Variants in DACT2 observed in about 807,000 individuals in gnomAD.
DACT2 encodes the protein dishevelled binding antagonist of beta catenin 2.
DACT2 carries 20 observed loss-of-function variants against 22.2 expected under a neutral mutation model. That is an observed-to-expected ratio of 0.90 (90% confidence interval 0.63 to 1.31). The LOEUF (loss-of-function observed/expected upper bound fraction) is 1.31. Ranked by LOEUF, DACT2 falls within the 50% of genes most tolerant of loss-of-function variation. The pLI is 0.00. For missense variants in DACT2, 1,048 were observed against 1,061.4 expected (o/e 0.99, Z 0.18); for synonymous variants, 463 against 479.8 (o/e 0.96, Z 0.46).
downstream of DACT2, among the ~76,000 whole-genome samples, chr6:168,303,048 T>A (rs560869069): frequency 6.6e-5 from 10 of 152,350 alleles, no homozygotes; most frequent in African/African-American, 2.4e-4. Context: ...TAAAGCCACA[T>A]GAAATCTGTA....
At chr6:168,311,057 G>T in intron 2 of DACT2, 95 bp downstream of exon 2, 1 of 1,386,178 alleles carries the variant, frequency 7.2e-7, no homozygotes, top group African/African-American at 1.4e-5. Context: ...ACCTGGAATG[G>T]AATTTCAGCC....
downstream of DACT2, among the ~76,000 whole-genome samples, chr6:168,305,116 G>T (rs1779178004): frequency 6.6e-6 from 1 of 152,100 alleles, no homozygotes; most frequent in Non-Finnish European, 1.5e-5. Context: ...AAGAGAGAGA[G>T]GATGGAGAGA....
chr6:168,313,498 A>T (rs1263050509), intron 1 of DACT2, among the ~76,000 whole-genome samples: 2 of 152,180 alleles, frequency 1.3e-5, no homozygotes, highest in Non-Finnish European at 2.9e-5. Context: ...ATCCAAGTGA[A>T]TAGCACCACC....
chr6:168,314,571 C>A (rs1779499236), intron 1 of DACT2, among the ~76,000 whole-genome samples: 2 of 152,234 alleles, frequency 1.3e-5, no homozygotes, highest in African/African-American at 4.8e-5. Context: ...TAATCCCTTT[C>A]TTTGCAATGC....
chr6:168,307,833 G>T lies in DACT2; in HGVS notation c.1924C>A (p.Pro642Thr), dbSNP rs1779257299. Residue 642 changes from proline to threonine, a missense_variant, in exon 4 of 4, where the codon CCA becomes ACA. Coordinates refer to ENST00000366795, the MANE Select transcript of DACT2 (RefSeq NM_214462.5). The surrounding 1 kb of genome is among the most constrained non-coding windows in gnomAD (Gnocchi z 5.3). ...PRPVARRAGG[P>T]LARGRPSLVR... ...AGTGAGGGACGGCCCCGGGCCAGTG[G>T]GCCACCTGCTCTCCTGGCCACGGGC... 6.5e-7 allele frequency: 1 copy of T among 1,538,572 alleles called. No homozygotes were observed.
In DACT2 at chr6:168,307,913, A is replaced by T; in HGVS notation, c.1844T>A (p.Ile615Asn). The T allele has an allele frequency of 6.5e-7, 1 of 1,544,486 alleles. No individual in the cohort carries two copies. The change falls in exon 4 of 4, where the codon ATC becomes AAC. Residue 615 changes from isoleucine (I) to asparagine (N), a missense_variant. Transcript: ENST00000366795. The surrounding 1 kb of genome is among the most constrained non-coding windows in gnomAD (Gnocchi z 5.3). ...GCTGGCCAGGCGGGCCCGGGCCGAG[A>T]TCTCCACGGTGGACTGCCAGCGGCG... ...KHRRWQSTVE[I>N]SARARLASCP...
At chr6:168,298,477 A>G (rs933216969) in intron 3 of DACT2, 21 of 152,360 alleles carry the variant, frequency 1.4e-4, no homozygotes, top group African/African-American at 4.6e-4. Context: ...TTTGGGATCC[A>G]ACTGTATTTA....
At chr6:168,313,133 A>C (rs925754840) in intron 1 of DACT2, among the ~76,000 whole-genome samples, 2 of 151,824 alleles carry the variant, frequency 1.3e-5, no homozygotes, top group Admixed American at 1.3e-4. Flanking sequence ...TGCAAGCTCC[A>C]CCTCCCGGGT....
chr6:168,301,341 G>C (rs1779100329), intron 3 of DACT2, among the ~76,000 whole-genome samples: 1 of 152,182 alleles, frequency 6.6e-6, no homozygotes, highest in South Asian at 2.1e-4. Flanking sequence ...CTGCTTCTGA[G>C]GAACCGAACA....
rs1430021631 is a variant in DACT2 at position 168,308,681 on chromosome 6, T to C, written c.1076A>G (p.His359Arg). 2.6e-6 allele frequency: 4 copies of C among 1,546,182 alleles called. No homozygotes were observed. Among genetic ancestry groups the C allele is most frequent in the Non-Finnish European group, 2.6e-6 (3 of 1,146,882 alleles). The stretch of plus-strand genomic sequence containing the variant: ...CCTCTGTGGAGATGGGGACGCTGCA[T>C]GCCTTAGAGGTCCCTGTTCTCCCTC... ...GSEGEQGPLR[H>R]AASPSPQRQG... The change falls in exon 4 of 4, where the codon CAT (histidine) becomes CGT (arginine). Residue 359 changes from histidine to arginine, a missense_variant. Coordinates refer to ENST00000366795, the MANE Select transcript of DACT2 (RefSeq NM_214462.5).
At chr6:168,301,810 T>G (rs1779116204) in intron 3 of DACT2, among the ~76,000 whole-genome samples, 1 of 152,200 alleles carries the variant, frequency 6.6e-6, no homozygotes. Context: ...CCCGGCGGCC[T>G]TTGTTTATTC....
downstream of DACT2, chr6:168,306,877 C>T: frequency 1.0e-6 from 1 of 986,938 alleles, no homozygotes; most frequent in Non-Finnish European, 1.2e-6. Flanking sequence ...CTACCATGTG[C>T]CACACAAGGA....
At chr6:168,310,120 TC>T (rs753981449) in intron 3 of DACT2, 47 bp downstream of exon 3, 1 of 1,542,378 alleles carries the variant, frequency 6.5e-7, no homozygotes, top group South Asian at 1.2e-5. Context: ...CACTCTGCCA[TC>T]CCCTGTGCCT....
At chr6:168,302,878 G>A (rs1169288125), downstream of DACT2, among the ~76,000 whole-genome samples, 5 of 152,190 alleles carry the variant, frequency 3.3e-5, no homozygotes, top group African/African-American at 1.2e-4. Context: ...ATTGAGGGCC[G>A]CGGTGTGTGA....
intron 1 of DACT2, 90 bp downstream of exon 1, chr6:168,319,298 C>A: frequency 9.1e-7 from 1 of 1,100,662 alleles, no homozygotes; most frequent in Non-Finnish European, 1.1e-6. Flanking sequence ...ATCAGACACC[C>A]CCGTCCCACT....
At position 168,310,355 on chromosome 6, in the gene DACT2, A is replaced by T. The variant is rs1283367040; in HGVS notation, c.471T>A (p.Ser157Arg). The T allele has an allele frequency of 1.4e-5, 21 of 1,551,584 alleles. No individual in the cohort carries two copies. Among genetic ancestry groups the T allele is most frequent in the Non-Finnish European group, 1.7e-5 (20 of 1,146,942 alleles). ...TGTGGGCCTGGGCCACAGGCAACAAACTGCCCAGCGAGGGAGAGATGTGGT... is the reference window on the plus strand; with the variant it reads ...TGTGGGCCTGGGCCACAGGCAACAATCTGCCCAGCGAGGGAGAGATGTGGT... ...CSDHISPSLG[S>R]LLPVAQAHKA... is the part of the protein sequence containing the mutation. The change falls in exon 3 of 4, where the codon AGT (serine) becomes AGA (arginine). Residue 157 changes from serine (S) to arginine (R), a missense_variant. Coordinates refer to ENST00000366795, the MANE Select transcript of DACT2 (RefSeq NM_214462.5).
chr6:168,295,526 G>A (rs1212835229), intron 3 of DACT2, among the ~76,000 whole-genome samples: 1 of 152,124 alleles, frequency 6.6e-6, no homozygotes, highest in Non-Finnish European at 1.5e-5. Context: ...TTATTATACA[G>A]AAAAGGCATA....
chr6:168,313,764 C>T (rs1018801184), intron 1 of DACT2, among the ~76,000 whole-genome samples: 6 of 152,160 alleles, frequency 3.9e-5, no homozygotes, highest in African/African-American at 1.2e-4. Flanking sequence ...GAAGCCCCTG[C>T]ACCCCAGCCA....
At chr6:168,304,540 C>T (rs1417551980), downstream of DACT2, among the ~76,000 whole-genome samples, 2 of 152,200 alleles carry the variant, frequency 1.3e-5, no homozygotes, top group Non-Finnish European at 2.9e-5. Flanking sequence ...TGGCATCTGC[C>T]CGCTCTTCCT....
Sources: allele counts gnomAD v4.1 joint callset (sites outside exome capture counted in the v4.1 genomes callset), GRCh38; gene constraint gnomAD v4.1.1; non-coding constraint Gnocchi (gnomAD v3.1); transcripts MANE v1.5; gene names NCBI Gene and HGNC (gene_info 2026-07-23, HGNC 2026-07-21).